Variants in STK39 observed in about 807,000 individuals in gnomAD.
STK39 encodes the protein serine/threonine kinase 39, also known as STE20/SPS1-related proline-alanine-rich protein kinase.
STK39 carries 20 observed loss-of-function variants against 77.8 expected under a neutral mutation model. The ratio of observed to expected loss-of-function variants is 0.26; its 90% CI spans 0.18 to 0.37. The LOEUF is 0.37. Among genes scored for constraint, STK39 ranks in the 10% least tolerant of loss-of-function variants. The probability of loss-of-function intolerance (pLI) is 1.00; values close to 1 mark genes in which losing one functional copy is unlikely to be tolerated. For synonymous variants in STK39, 246 were observed against 234.1 expected (o/e 1.05, Z -0.47); for missense variants, 479 against 656.5 (o/e 0.73, Z 2.95).
chr2:168,042,847 G>C (rs1045770455), intron 14 of STK39, among the ~76,000 whole-genome samples: 11 of 152,008 alleles, frequency 7.2e-5, no homozygotes, highest in Non-Finnish European at 1.5e-4. Context: ...CAAAGTGCTG[G>C]GATTATAGGA....
chr2:168,065,329 T>C lies in STK39; in HGVS notation c.1295A>G (p.His432Arg). 6.2e-7 allele frequency: 1 copy of C among 1,614,066 alleles called. No individual in the cohort carries two copies. Among genetic ancestry groups the C allele is most frequent in the Non-Finnish European group, 8.5e-7 (1 of 1,179,946 alleles). The change falls in exon 13 of 18, where the codon CAC becomes CGC. Residue 432 changes from histidine (H) to arginine (R), a missense_variant. This residue lies in a region of STK39 where 244 missense variants were observed against 296.8 expected (regional missense o/e 0.82). Transcript: ENST00000355999. ...IPEQIQSLSV[H>R]DSQGPPNANE... is the part of the protein sequence containing the mutation. Reference sequence around the variant, plus strand: ...GGCAGAGAAACATACCTGAGAGTCGTGCACAGAGAGGGACTGTATTTGTTC... The same window carrying C: ...GGCAGAGAAACATACCTGAGAGTCGCGCACAGAGAGGGACTGTATTTGTTC...
intron 10 of STK39, 78 bp from the exon 11 acceptor site, chr2:168,075,309 C>A (rs755463644): frequency 1.3e-6 from 2 of 1,584,706 alleles, no homozygotes; most frequent in Non-Finnish European, 1.7e-6. Context: ...TTGGGTTATA[C>A]GGCATACACA....
At chr2:168,158,408 T>C (rs1688489103) in intron 5 of STK39, among the ~76,000 whole-genome samples, 1 of 152,216 alleles carries the variant, frequency 6.6e-6, no homozygotes, top group African/African-American at 2.4e-5. Flanking sequence ...GCTTCTCCTA[T>C]GCCCTGAAAC....
At position 168,232,868 on chromosome 2, in the gene STK39, C is replaced by T. The variant is rs1045296089; in HGVS notation, c.208+14360G>A. On this transcript the variant is annotated intron_variant, in intron 1 of 17. Coordinates refer to ENST00000355999, the MANE Select transcript of STK39 (RefSeq NM_013233.3). ...CGGAGGTTGCAGCGAGCCGAGATCG[C>T]GCCATTGCACTCCAGCCTGGGCGAC... 5.3e-5 allele frequency among the ~76,000 whole-genome samples: 8 copies of T among 151,820 alleles called. 1 individual carries two copies. The South Asian group carries it at 6.3e-4, about 12-fold the overall frequency.
At chr2:168,096,031 T>C (rs79038695) in intron 10 of STK39, among the ~76,000 whole-genome samples, 1,662 of 152,336 alleles carry the variant, frequency 0.011, 26 homozygotes, top group African/African-American at 0.037. Flanking sequence ...TAAAAAGCAT[T>C]AATTATAATA....
chr2:168,018,459 T>C (rs551858873), intron 14 of STK39, among the ~76,000 whole-genome samples: 51 of 150,532 alleles, frequency 3.4e-4, no homozygotes, highest in African/African-American at 1.3e-3. Context: ...CACCACTGCA[T>C]TACAGCTTGG....
At chr2:168,094,496 A>T (rs116525822) in intron 10 of STK39, among the ~76,000 whole-genome samples, 1,551 of 152,208 alleles carry the variant, frequency 0.01, 24 homozygotes, top group African/African-American at 0.035. Context: ...TTCTTCATCC[A>T]TTCACTCATT....
intron 1 of STK39, among the ~76,000 whole-genome samples, chr2:168,235,219 TA>T (rs1395541150): frequency 2.6e-5 from 4 of 152,066 alleles, no homozygotes; most frequent in Non-Finnish European, 5.9e-5. Flanking sequence ...TCTGTATTTT[TA>T]GTAGAGACGG....
chr2:168,241,085 A>ACGAGATAAC (rs145037505), intron 1 of STK39, among the ~76,000 whole-genome samples: 4,459 of 152,262 alleles, frequency 0.029, 132 homozygotes, highest in African/African-American at 0.079. Context: ...AAAGGAAGAA[A>ACGAGATAAC]CGAGATAACC....
intron 14 of STK39, among the ~76,000 whole-genome samples, chr2:168,020,504 G>A (rs1003491517): frequency 2.0e-5 from 3 of 151,824 alleles, no homozygotes; most frequent in Admixed American, 6.6e-5. Context: ...GACCTCATGG[G>A]CTCCCTGAAA....
At chr2:167,974,481 A>T (rs985434351) in intron 16 of STK39, among the ~76,000 whole-genome samples, 3 of 152,172 alleles carry the variant, frequency 2.0e-5, no homozygotes, top group Admixed American at 6.5e-5. Context: ...TCAAAAATTT[A>T]AAAAAAGTTT....
chr2:168,148,805 C>T (rs188889547), intron 5 of STK39, among the ~76,000 whole-genome samples: 1 of 152,158 alleles, frequency 6.6e-6, no homozygotes, highest in Non-Finnish European at 1.5e-5. Context: ...CTAAAACTAA[C>T]AGAAAGAAGA....
At chr2:168,109,754 G>C (rs1250155699) in intron 10 of STK39, among the ~76,000 whole-genome samples, 1 of 152,156 alleles carries the variant, frequency 6.6e-6, no homozygotes, top group Non-Finnish European at 1.5e-5. Flanking sequence ...AATTTTTGCT[G>C]ATCAATTAGG....
rs186856634 is a variant in STK39 at position 168,218,824 on chromosome 2, T to C, written c.208+28404A>G. On this transcript the variant is annotated intron_variant, in intron 1 of 17. Coordinates refer to ENST00000355999, the MANE Select transcript of STK39 (RefSeq NM_013233.3). ...GAAAGCTATTAGGAGAATCAAAAGA[T>C]TGACAGAAGTTCATGCATCCATTCA... Among the ~76,000 whole-genome samples, 101 of 152,330 alleles carry C rather than the reference T, an allele frequency of 6.6e-4. 1 individual carries two copies. Among genetic ancestry groups the C allele is most frequent in the African/African-American group, 1.2e-3 (48 of 41,588 alleles).
At chr2:168,103,339 C>T (rs1015789160) in intron 10 of STK39, among the ~76,000 whole-genome samples, 11 of 152,170 alleles carry the variant, frequency 7.2e-5, no homozygotes, top group African/African-American at 2.7e-4. Context: ...CGAATCTTTT[C>T]TGAAATAGAG....
intron 15 of STK39, among the ~76,000 whole-genome samples, chr2:168,016,404 A>C (rs960479062): frequency 2.0e-5 from 3 of 150,950 alleles, no homozygotes; most frequent in African/African-American, 4.9e-5. Context: ...AAAAAAAAAA[A>C]AAAAAAAAAC....
At chr2:168,139,837 T>TAATG (rs1687934706) in intron 7 of STK39, among the ~76,000 whole-genome samples, 2 of 152,036 alleles carry the variant, frequency 1.3e-5, no homozygotes, top group Non-Finnish European at 2.9e-5. Flanking sequence ...TCAGATCAGT[T>TAATG]GCCAACATTA....
chr2:168,210,497 A>T (rs1489301298), intron 1 of STK39, among the ~76,000 whole-genome samples: 2 of 152,164 alleles, frequency 1.3e-5, no homozygotes, highest in East Asian at 3.9e-4. Context: ...TACTCCCATT[A>T]GTTAAGCAAA....
chr2:168,026,334 C>T (rs60753027), intron 14 of STK39, among the ~76,000 whole-genome samples: 15,938 of 152,112 alleles, frequency 0.1, 1,807 homozygotes, highest in African/African-American at 0.27. Context: ...AATCTTCCTC[C>T]GAGGTAAAGG....
Sources: gnomAD v4.1 joint callset for allele counts (sites outside exome capture counted in the v4.1 genomes callset) on GRCh38, gnomAD v4.1.1 for gene constraint, gnomAD v4.1.1 regional missense constraint, MANE v1.5 for transcripts, NCBI Gene and HGNC (gene_info 2026-07-23, HGNC 2026-07-21) for gene names.